IL17RE: variants seen among roughly 807,000 people sequenced by gnomAD.
IL17RE encodes interleukin 17 receptor E, also known as interleukin-17 receptor E.
A neutral mutation model predicts 70.7 loss-of-function variants in IL17RE; 47 were observed. That is an observed-to-expected ratio of 0.67 (90% CI 0.53 to 0.85). IL17RE has a LOEUF of 0.85. IL17RE is among the 40% of genes least tolerant of loss of function. The pLI is 0.00. For synonymous variants in IL17RE, 372 were observed against 381.2 expected, an observed-to-expected ratio of 0.98 and a Z score of 0.28; for missense variants, 850 against 893.9, an observed-to-expected ratio of 0.95 and a Z score of 0.63.
At chr3:9,912,391 C>G (rs189306190) in intron 12 of IL17RE, among the ~76,000 whole-genome samples, 5 of 152,300 alleles carry the variant, frequency 3.3e-5, no homozygotes, top group African/African-American at 1.2e-4. Context: ...TACCACTACT[C>G]TCCTGCCTCC....
Position 9,915,920 on chromosome 3 carries a change from GGCCGAAAA to G in IL17RE, c.*118_*125del, listed in dbSNP as rs1372733083. 1 of 1,335,774 alleles carries G rather than the reference GGCCGAAAA, an allele frequency of 7.5e-7. No individual in the cohort carries two copies. Among genetic ancestry groups the G allele is most frequent in the Non-Finnish European group, 9.6e-7 (1 of 1,045,050 alleles). 82.7% of individuals were successfully genotyped at this position (1,335,774 alleles called of 1,614,324 possible). On this transcript the variant is annotated 3_prime_UTR_variant, in exon 16 of 16. Transcript: ENST00000383814. The surrounding 1 kb of genome is among the most constrained non-coding windows in gnomAD (Gnocchi z 4.9). ...TCCTTGGGGTGCCTCGAGGACGACT[GGCCGAAAA>G]GCCGCATTCCCTGCCTCACAGGCCG...
At position 9,915,242 on chromosome 3, in the gene IL17RE, C is replaced by T. The variant is rs535075615; in HGVS notation, c.1448-9C>T. On this transcript the variant is annotated splice_polypyrimidine_tract_variant and intron_variant, in intron 15 of 15. Transcript: ENST00000383814. The surrounding 1 kb of genome is among the most constrained non-coding windows in gnomAD (Gnocchi z 4.9). ...CGCCCAGCCTTCATCTGTTGCTTCC[C>T]GCCACCAGGCCCGGGCCCAGCGCGG... 374 of 1,379,544 alleles carry T rather than the reference C, an allele frequency of 2.7e-4. 2 individuals are homozygous for T. The highest frequency in any genetic ancestry group is 6.2e-5 in the Non-Finnish European group (66 of 1,072,372). The allele number at this position is 1,379,544 out of a possible 1,614,324, so 85.5% of individuals were successfully genotyped here. A position where few individuals can be genotyped will look rare whatever the true frequency, so the allele number is the denominator to read the frequency against.
At position 9,915,653 on chromosome 3, in the gene IL17RE, G is replaced by A; in HGVS notation, c.1850G>A (p.Arg617His). The A allele has an allele frequency of 7.1e-7, 1 of 1,402,954 alleles. No homozygotes were observed. Among genetic ancestry groups the A allele is most frequent in the Non-Finnish European group, 9.2e-7 (1 of 1,084,876 alleles). 86.9% of individuals were successfully genotyped at this position (1,402,954 alleles called of 1,614,324 possible). The change falls in exon 16 of 16, where the codon CGC (arginine) becomes CAC (histidine). Residue 617 changes from arginine (R) to histidine (H), a missense_variant. Physicochemically the swap from Arg to His is conservative, Grantham distance 29. Transcript: ENST00000383814. The surrounding 1 kb of genome is among the most constrained non-coding windows in gnomAD (Gnocchi z 4.9). ...LRALPRYRLLRDLPRLLRALD... is the reference protein window; with the variant it reads ...LRALPRYRLLHDLPRLLRALD... ...GCCCTGCCGCGCTACCGCCTGCTGC[G>A]CGACCTGCCGCGTCTGCTGCGGGCG...
At chr3:9,903,999 C>A (rs763983478) in intron 2 of IL17RE, 33 bp from the exon 3 acceptor site, 2 of 1,613,506 alleles carry the variant, frequency 1.2e-6, no homozygotes. Flanking sequence ...CTTCTTAGAC[C>A]CTATCATTTG....
chr3:9,905,757 T>A (rs1157190179), intron 3 of IL17RE, among the ~76,000 whole-genome samples: 1 of 149,390 alleles, frequency 6.7e-6, no homozygotes, highest in Non-Finnish European at 1.5e-5. Flanking sequence ...GAGGCGGAGA[T>A]TGCAGTGAGC....
rs191550417 is a variant in IL17RE at position 9,904,523 on chromosome 3, G to A, written c.268+372G>A. 8.3e-3 allele frequency among the ~76,000 whole-genome samples: 1,269 copies of A among 152,174 alleles called. 15 individuals are homozygous for A. The highest frequency in any genetic ancestry group is 0.026 in the Admixed American group (398 of 15,286). ...TTCTAGGCCAGGCGCGGTGGCTCACGCCTGTAATCCCAACACTTTGGGAGG... is the reference window on the plus strand; with the variant it reads ...TTCTAGGCCAGGCGCGGTGGCTCACACCTGTAATCCCAACACTTTGGGAGG... On this transcript the variant is annotated intron_variant, in intron 3 of 15. Transcript: ENST00000383814.
At position 9,913,927 on chromosome 3, in the gene IL17RE, GACAGCCTTTCT is replaced by G. The variant is rs749480741; in HGVS notation, c.1228-28_1228-18del. 6.3e-7 allele frequency: 1 copy of G among 1,594,050 alleles called. No homozygotes were observed. The highest frequency in any genetic ancestry group is 8.6e-7 in the Non-Finnish European group (1 of 1,161,796). On this transcript the variant is annotated intron_variant, in intron 12 of 15. Coordinates refer to ENST00000383814, the MANE Select transcript of IL17RE (RefSeq NM_153480.2). Reference sequence around the variant, plus strand: ...ACAGGGCCAGATTCACCTCCCTGGGGACAGCCTTTCTGCTCTTTGTTTCTACAGGCCCGGGG... The same window carrying G: ...ACAGGGCCAGATTCACCTCCCTGGGGGCTCTTTGTTTCTACAGGCCCGGGG...
intron 4 of IL17RE, 92 bp from the exon 5 acceptor site, chr3:9,906,614 A>T (rs907272325): frequency 6.6e-7 from 1 of 1,513,554 alleles, no homozygotes; most frequent in Non-Finnish European, 9.1e-7. Flanking sequence ...AGTTTGAGCA[A>T]CTTGCCTGTA....
intron 2 of IL17RE, 124 bp from the exon 3 acceptor site, chr3:9,903,908 G>A (rs944229008): frequency 2.6e-6 from 3 of 1,167,176 alleles, no homozygotes; most frequent in Non-Finnish European, 3.7e-6. Context: ...TCCTTAGACA[G>A]GTCCTGTAAC....
Position 9,908,679 on chromosome 3 carries a change from C to G in IL17RE, c.735+372C>G, listed in dbSNP as rs1199998324. ...ATCCATATGCCCCCAAAAGTCTTGTCCCCTCTAGGCCTCTGTGGCAGTCCT... is the reference window on the plus strand; with the variant it reads ...ATCCATATGCCCCCAAAAGTCTTGTGCCCTCTAGGCCTCTGTGGCAGTCCT... On this transcript the variant is annotated intron_variant, in intron 7 of 15. Transcript: ENST00000383814. Among the ~76,000 whole-genome samples, 13 of 152,326 alleles carry G rather than the reference C, an allele frequency of 8.5e-5. No individual in the cohort carries two copies. The East Asian group carries it at 2.5e-3, about 29-fold the overall frequency.
At chr3:9,913,200 T>A (rs2082933561) in intron 12 of IL17RE, among the ~76,000 whole-genome samples, 1 of 151,640 alleles carries the variant, frequency 6.6e-6, no homozygotes, top group Admixed American at 6.6e-5. Context: ...AGGTCAGGAG[T>A]TTGAGACCAG....
chr3:9,915,152 G>A lies in IL17RE; in HGVS notation c.1448-99G>A, dbSNP rs1575498574. On this transcript the variant is annotated intron_variant, in intron 15 of 15. Coordinates refer to ENST00000383814, the MANE Select transcript of IL17RE (RefSeq NM_153480.2). This position sits in a 1 kb window ranked among gnomAD's most constrained non-coding sequence, Gnocchi z 4.9. ...GCAAATAAGGGGCGGGGGCGGGGGC[G>A]GAGAGGCGAGCACCCTACGGTATCC... The A allele has an allele frequency of 6.0e-6, 8 of 1,333,254 alleles. No homozygotes were observed. In the East Asian group the frequency reaches 2.1e-4, roughly 35 times the overall value. The allele number at this position is 1,333,254 out of a possible 1,614,324, so 82.6% of individuals were successfully genotyped here.
Position 9,911,577 on chromosome 3 carries a change from C to A in IL17RE, c.1207C>A (p.Pro403Thr). 6.2e-7 allele frequency: 1 copy of A among 1,613,386 alleles called. No homozygotes were observed. Residue 403 changes from proline to threonine, a missense_variant, in exon 12 of 16, where the codon CCC becomes ACC. Physicochemically the swap from Pro to Thr is conservative, Grantham distance 38. Transcript: ENST00000383814. ...CTTGGGGCAGGACACTTTGGTGCCC[C>A]CCGTGTACACTGTCAGCCAGGTATG... The part of the protein sequence containing the change: ...PGLGQDTLVP[P>T]VYTVSQARGS...
rs182264218 is a variant in IL17RE, at chr3:9,911,789, T to C, written c.1227+192T>C. On this transcript the variant is annotated intron_variant, in intron 12 of 15. Coordinates refer to ENST00000383814, the MANE Select transcript of IL17RE (RefSeq NM_153480.2). ...CAGTAGGTTCCTCAAGGGAGCATTT[T>C]CTTTTTTTTCTTTTTTTCTTTTTTT... 130 of 491,132 alleles carry C rather than the reference T, an allele frequency of 2.6e-4. No homozygotes were observed. In the East Asian group the frequency reaches 3.7e-3, roughly 14 times the overall value. The allele number at this position is 491,132 out of a possible 1,614,324, so 30.4% of individuals were successfully genotyped here. A position where few individuals can be genotyped will look rare whatever the true frequency, so the allele number is the denominator to read the frequency against.
At position 9,911,483 on chromosome 3, in the gene IL17RE, C is replaced by G. The variant is rs1450516071; in HGVS notation, c.1113C>G (p.Ala371=). The change falls in exon 12 of 16, where the codon GCC becomes GCG. Residue 371 remains alanine, a synonymous_variant. Transcript: ENST00000383814. ...GGAATGTAAGCATGGATACCCAAGC[C>G]CAGCAGCTGATTCTTCACTTCTCCT... ...TSWNVSMDTQ[A]QQLILHFSSR... 1 of 1,614,178 alleles carries G rather than the reference C, an allele frequency of 6.2e-7. No homozygotes were observed. The highest frequency in any genetic ancestry group is 8.5e-7 in the Non-Finnish European group (1 of 1,180,028).
chr3:9,906,880 C>T lies in IL17RE; in HGVS notation c.526+15C>T. On this transcript the variant is annotated intron_variant, in intron 5 of 15. Transcript: ENST00000383814. The stretch of plus-strand genomic sequence containing the variant: ...AAGGCATGGAGGTGGGCACTGGGTA[C>T]AACAGGAGATGGGTTCAGCTGAGTG... 6.2e-7 allele frequency: 1 copy of T among 1,614,136 alleles called. No homozygotes were observed. Among genetic ancestry groups the T allele is most frequent in the Non-Finnish European group, 8.5e-7 (1 of 1,180,024 alleles).
rs2082878122 is a variant in IL17RE at position 9,911,016 on chromosome 3, T to A, written c.954T>A (p.Asn318Lys). 1.2e-6 allele frequency: 2 copies of A among 1,613,858 alleles called. No individual in the cohort carries two copies. The highest frequency in any genetic ancestry group is 2.2e-5 in the South Asian group (2 of 91,074). Residue 318 changes from asparagine (N) to lysine (K), a missense_variant, in exon 9 of 16, where the codon AAT becomes AAA. Physicochemically the swap from Asn to Lys is moderately conservative, Grantham distance 94. Coordinates refer to ENST00000383814, the MANE Select transcript of IL17RE (RefSeq NM_153480.2). ...ATACCCTTTGCAAAGACCTCCCGAA[T>A]GCCACAGCTCGAGAGTCAGATGGGG... ...DWHTLCKDLP[N>K]ATARESDGWY...
Position 9,915,852 on chromosome 3 carries a change from C to T in IL17RE, c.*45C>T, listed in dbSNP as rs966825847. 4.1e-6 allele frequency: 6 copies of T among 1,456,532 alleles called. No homozygotes were observed. The African/African-American group carries it at 4.4e-5, about 11-fold the overall frequency. 90.2% of individuals were successfully genotyped at this position (1,456,532 alleles called of 1,614,324 possible). ...CCGGGTGTCTGCGGCCGCAACGCAA[C>T]GGACACTGGCTGGAACCCCGGAATG... On this transcript the variant is annotated 3_prime_UTR_variant, in exon 16 of 16. Coordinates refer to ENST00000383814, the MANE Select transcript of IL17RE (RefSeq NM_153480.2). The surrounding 1 kb of genome is among the most constrained non-coding windows in gnomAD (Gnocchi z 4.9).
At position 9,915,523 on chromosome 3, in the gene IL17RE, GC is replaced by G; in HGVS notation, c.1722del (p.Ala575ArgfsTer76). On this transcript the variant is annotated frameshift_variant, in exon 16 of 16. Transcript: ENST00000383814. LOFTEE classifies it low-confidence loss of function (END_TRUNC). This position sits in a 1 kb window ranked among gnomAD's most constrained non-coding sequence, Gnocchi z 4.9. ...CCCGGTCAGCGGCCCCGACCCCCGC[GC>G]CGCGCCCCTGCTCGCCCTGCTCCAC... ...LRPVSGPDPR[A>X]APLLALLHAA... The G allele has an allele frequency of 7.6e-7, 1 of 1,322,342 alleles. No homozygotes were observed. The highest frequency in any genetic ancestry group is 9.6e-7 in the Non-Finnish European group (1 of 1,044,456). The allele number at this position is 1,322,342 out of a possible 1,614,324, so 81.9% of individuals were successfully genotyped here.
Sources: gnomAD v4.1 joint callset for allele counts (sites outside exome capture counted in the v4.1 genomes callset) on GRCh38, gnomAD v4.1.1 for gene constraint, Gnocchi (gnomAD v3.1) non-coding constraint, MANE v1.5 for transcripts, NCBI Gene and HGNC (gene_info 2026-07-23, HGNC 2026-07-21) for gene names.